Variants in TEAD1 observed in about 807,000 individuals in gnomAD.
TEAD1 encodes the protein TEA domain transcription factor 1, also known as transcriptional enhancer factor TEF-1.
In TEAD1, 9 loss-of-function variants were observed where a neutral mutation model predicts 54.9. That is an observed-to-expected ratio of 0.16 (90% CI 0.10 to 0.29). TEAD1 has a LOEUF of 0.29. Among genes scored for constraint, TEAD1 ranks in the 10% least tolerant of loss-of-function variants. The pLI, the probability that TEAD1 is intolerant of heterozygous loss-of-function variation, is 1.00. For missense variants in TEAD1, 387 were observed against 535.9 expected, an observed-to-expected ratio of 0.72 and a Z score of 2.74; for synonymous variants, 200 against 187.8, an observed-to-expected ratio of 1.07 and a Z score of -0.53.
At chr11:12,862,339 T>C in intron 4 of TEAD1, 25 bp downstream of exon 4, 3 of 1,611,800 alleles carry the variant, frequency 1.9e-6, no homozygotes, top group Non-Finnish European at 2.5e-6. Flanking sequence ...CTGGAAATTG[T>C]GCATGTCAGC....
At chr11:12,675,119 C>T (rs1468054802) in intron 1 of TEAD1, among the ~76,000 whole-genome samples, 2 of 147,864 alleles carry the variant, frequency 1.4e-5, no homozygotes, top group Non-Finnish European at 1.5e-5. Context: ...CGCGCCGCGC[C>T]CCCCGCGCGC....
chr11:12,860,800 T>G (rs1947483869), intron 3 of TEAD1, among the ~76,000 whole-genome samples: 1 of 152,216 alleles, frequency 6.6e-6, no homozygotes, highest in South Asian at 2.1e-4. Context: ...AGTTACAGTT[T>G]GGGTACATCC....
intron 2 of TEAD1, among the ~76,000 whole-genome samples, chr11:12,720,797 T>C (rs941224866): frequency 1.3e-5 from 2 of 152,156 alleles, no homozygotes; most frequent in African/African-American, 4.8e-5. Flanking sequence ...CATTATTGCT[T>C]TAAGGAACAG....
intron 2 of TEAD1, among the ~76,000 whole-genome samples, chr11:12,703,618 T>C (rs1374618532): frequency 6.6e-6 from 1 of 152,224 alleles, no homozygotes; most frequent in Admixed American, 6.5e-5. Flanking sequence ...TTCTTCCTCC[T>C]AAACTCTGAG....
At chr11:12,821,912 C>T (rs879532607) in intron 3 of TEAD1, among the ~76,000 whole-genome samples, 8 of 150,686 alleles carry the variant, frequency 5.3e-5, no homozygotes, top group African/African-American at 1.5e-4. Flanking sequence ...TTCTCCCTCC[C>T]CTTTTCTCTT....
chr11:12,717,267 G>A (rs926760114), intron 2 of TEAD1, among the ~76,000 whole-genome samples: 2 of 152,210 alleles, frequency 1.3e-5, no homozygotes, highest in African/African-American at 4.8e-5. Context: ...GCTTGGTATT[G>A]TGTGTTTTAA....
intron 2 of TEAD1, among the ~76,000 whole-genome samples, chr11:12,720,760 T>G (rs1944178274): frequency 6.6e-6 from 1 of 152,194 alleles, no homozygotes; most frequent in African/African-American, 2.4e-5. Context: ...TTGCTGCTGA[T>G]AATTTGAAGA....
At chr11:12,861,794 C>T (rs1947509257) in intron 3 of TEAD1, among the ~76,000 whole-genome samples, 2 of 152,114 alleles carry the variant, frequency 1.3e-5, no homozygotes, top group South Asian at 4.1e-4. Context: ...CGAGACCAGC[C>T]TGACCAACAT....
intron 3 of TEAD1, among the ~76,000 whole-genome samples, chr11:12,767,771 C>T (rs189987277): frequency 2.6e-5 from 4 of 152,136 alleles, no homozygotes; most frequent in African/African-American, 7.2e-5. Flanking sequence ...AGAAGGGGTA[C>T]GAGATGTCCT....
chr11:12,831,167 C>T (rs894682398), intron 3 of TEAD1, among the ~76,000 whole-genome samples: 2 of 152,204 alleles, frequency 1.3e-5, no homozygotes, highest in Non-Finnish European at 2.9e-5. Context: ...GTTCCTCCTC[C>T]AGGAAGCCTT....
At chr11:12,698,529 T>C (rs1157507641) in intron 2 of TEAD1, among the ~76,000 whole-genome samples, 1 of 151,704 alleles carries the variant, frequency 6.6e-6, no homozygotes, top group African/African-American at 2.4e-5. Flanking sequence ...TTTTTTTAAA[T>C]ATTGATTCCT....
chr11:12,827,860 G>A (rs538798203), intron 3 of TEAD1, among the ~76,000 whole-genome samples: 1 of 152,220 alleles, frequency 6.6e-6, no homozygotes, highest in Non-Finnish European at 1.5e-5. Context: ...GGGACTTCTT[G>A]TGTTGTGCCT....
chr11:12,710,006 G>A (rs1037630993), intron 2 of TEAD1, among the ~76,000 whole-genome samples: 2 of 122,508 alleles, frequency 1.6e-5, no homozygotes, highest in Non-Finnish European at 3.2e-5. Context: ...AAATAATGAA[G>A]TCTTACCAAA....
chr11:12,717,161 C>G (rs1335822375), intron 2 of TEAD1, among the ~76,000 whole-genome samples: 1 of 152,200 alleles, frequency 6.6e-6, no homozygotes, highest in African/African-American at 2.4e-5. Context: ...ACTATAATAT[C>G]CAGAGTGATT....
chr11:12,916,277 A>G (rs551574677), intron 10 of TEAD1, among the ~76,000 whole-genome samples: 3 of 152,270 alleles, frequency 2.0e-5, no homozygotes, highest in East Asian at 3.9e-4. Context: ...AAAAAGTCCT[A>G]ATTTTTCTGT....
rs1949184202 is a variant in TEAD1 at position 12,943,964 on chromosome 11, A to G, written c.*6742A>G. The G allele has an allele frequency of 6.6e-6, 1 of 152,596 alleles. No individual in the cohort carries two copies. The highest frequency in any genetic ancestry group is 2.1e-4 in the South Asian group (1 of 4,832). 9.5% of individuals were successfully genotyped at this position (152,596 alleles called of 1,614,324 possible). On this transcript the variant is annotated 3_prime_UTR_variant, in exon 13 of 13. Transcript: ENST00000527636. ...AAATGACAAAAAAAAAATTTGTAAC[A>G]TTTAAAAAAGAAACCTGAATAGCCT... is the stretch of plus-strand genomic sequence containing the variant.
chr11:12,930,244 T>C lies in TEAD1; in HGVS notation c.1085T>C (p.Met362Thr). The C allele has an allele frequency of 6.2e-7, 1 of 1,614,246 alleles. No individual in the cohort carries two copies. The highest frequency in any genetic ancestry group is 8.5e-7 in the Non-Finnish European group (1 of 1,180,030). Residue 362 changes from methionine (M) to threonine (T), a missense_variant, in exon 12 of 13, where the codon ATG (methionine) becomes ACG (threonine). Coordinates refer to ENST00000527636, the MANE Select transcript of TEAD1 (RefSeq NM_021961.6). The stretch of plus-strand genomic sequence containing the variant: ...AACCGCTCCCCAATGTGTGAATATA[T>C]GATCAACTTCATCCACAAGCTCAAA...
chr11:12,794,160 T>C (rs1945864710), intron 3 of TEAD1, among the ~76,000 whole-genome samples: 1 of 152,232 alleles, frequency 6.6e-6, no homozygotes, highest in South Asian at 2.1e-4. Context: ...AGGTATGAGC[T>C]GTGTAACCCT....
At chr11:12,828,063 A>G (rs562212189) in intron 3 of TEAD1, 1 of 152,326 alleles carries the variant, frequency 6.6e-6, no homozygotes, top group South Asian at 2.1e-4. Flanking sequence ...ACCACAGTGG[A>G]GCTAGTTGTC....
Sources: allele counts gnomAD v4.1 joint callset (sites outside exome capture counted in the v4.1 genomes callset), GRCh38; gene constraint gnomAD v4.1.1; transcripts MANE v1.5; gene names NCBI Gene and HGNC (gene_info 2026-07-23, HGNC 2026-07-21).